HDAC5: variants seen among roughly 807,000 people sequenced by gnomAD.
HDAC5 encodes histone deacetylase 5.
Under a neutral mutation model 133.3 loss-of-function variants are expected in HDAC5, and 25 were observed. The observed-to-expected ratio is 0.19, with a 90% CI of 0.14 to 0.26. The LOEUF (loss-of-function observed/expected upper bound fraction) is 0.26, where lower values mean the gene tolerates loss of function less well. Ranked by LOEUF, HDAC5 falls within the 10% of genes least tolerant of loss-of-function variation. HDAC5 has a pLI of 1.00. For missense variants in HDAC5, 1,041 were observed against 1,460.5 expected, an observed-to-expected ratio of 0.71 and a Z score of 4.68; for synonymous variants, 589 against 610.8, an observed-to-expected ratio of 0.96 and a Z score of 0.53.
intron 12 of HDAC5, among the ~76,000 whole-genome samples, chr17:44,088,100 C>T (rs1437796363): frequency 6.6e-6 from 1 of 152,192 alleles, no homozygotes; most frequent in Non-Finnish European, 1.5e-5. Context: ...CCTCCATCTC[C>T]CAGGTTCAAG....
Position 44,093,219 on chromosome 17 carries a change from G to A in HDAC5, c.527-13C>T, listed in dbSNP as rs1044552898. On this transcript the variant is annotated splice_polypyrimidine_tract_variant and intron_variant, in intron 5 of 26. Coordinates refer to ENST00000682912, the MANE Select transcript of HDAC5 (RefSeq NM_005474.5). ...CTGGCAATGGCACCTGCAGGACAGG[G>A]CACAACTGACCTGGCTGCTTGGGGC... 1 of 1,601,896 alleles carries A rather than the reference G, an allele frequency of 6.2e-7. No homozygotes were observed. Among genetic ancestry groups the A allele is most frequent in the Non-Finnish European group, 8.5e-7 (1 of 1,171,856 alleles).
chr17:44,121,759 G>A (rs1042395169), intron 1 of HDAC5, among the ~76,000 whole-genome samples: 4 of 152,000 alleles, frequency 2.6e-5, no homozygotes, highest in African/African-American at 9.7e-5. Flanking sequence ...TGAAACTGCT[G>A]CCCCCCTCCA....
chr17:44,105,964 T>TG (rs554059616), intron 3 of HDAC5, among the ~76,000 whole-genome samples: 34 of 152,194 alleles, frequency 2.2e-4, no homozygotes, highest in Admixed American at 7.2e-4. Flanking sequence ...AAACCTTTGT[T>TG]GGGGGGGCAG....
At chr17:44,079,374 GCTCA>G (rs1385186248) in intron 23 of HDAC5, 97 bp from the exon 24 acceptor site, 53 of 1,250,634 alleles carry the variant, frequency 4.2e-5, no homozygotes, top group Non-Finnish European at 4.4e-5. Context: ...AGGCGCGGTG[GCTCA>G]CGCCTGTAAT....
At chr17:44,087,793 C>T (rs2143177568) in intron 12 of HDAC5, 97 bp from the exon 13 acceptor site, 5 of 1,382,526 alleles carry the variant, frequency 3.6e-6, no homozygotes, top group Middle Eastern at 4.4e-4. Flanking sequence ...CTCCCTTCTT[C>T]CAGGTAGAGC....
In HDAC5 at chr17:44,085,057, G is replaced by T. The variant is rs763691184; in HGVS notation, c.2149C>A (p.Arg717=). The T allele has an allele frequency of 6.3e-7, 1 of 1,596,402 alleles. No homozygotes were observed. The change falls in exon 15 of 27, where the codon CGG becomes AGG. Residue 717 remains arginine, a synonymous_variant. Transcript: ENST00000682912. Reference sequence around the variant, plus strand: ...CTAAGCAGGCCTGTCTCCTGCAGCCGGGACCAGATGCTCTGGATCCGGCCA... The same window carrying T: ...CTAAGCAGGCCTGTCTCCTGCAGCCTGGACCAGATGCTCTGGATCCGGCCA... ...HAGRIQSIWS[R]LQETGLLSKC...
At chr17:44,092,059 A>C in intron 9 of HDAC5, 113 bp downstream of exon 9, 2 of 1,005,558 alleles carry the variant, frequency 2.0e-6, no homozygotes, top group Non-Finnish European at 2.9e-6. Flanking sequence ...TCATGTGGGC[A>C]GAGAGGTCTC....
At chr17:44,093,894 T>G (rs2051099781) in intron 3 of HDAC5, 60 bp from the exon 4 acceptor site, 1 of 1,437,954 alleles carries the variant, frequency 7.0e-7, no homozygotes, top group African/African-American at 1.4e-5. Context: ...CAGTCATGCC[T>G]GAGGCCCAAA....
At chr17:44,115,735 C>T (rs756960556) in intron 2 of HDAC5, among the ~76,000 whole-genome samples, 2 of 152,230 alleles carry the variant, frequency 1.3e-5, no homozygotes, top group Non-Finnish European at 2.9e-5. Context: ...GGTTCCCAAT[C>T]CCTGGCCCCC....
chr17:44,080,521 G>T (rs762505653), intron 21 of HDAC5, 23 bp from the exon 22 acceptor site: 1 of 1,607,842 alleles, frequency 6.2e-7, no homozygotes, highest in South Asian at 1.1e-5. Context: ...TTGGGGAGAG[G>T]GCTATTCTCA....
At chr17:44,078,466 T>G in intron 26 of HDAC5, 34 bp downstream of exon 26, 21 of 1,579,680 alleles carry the variant, frequency 1.3e-5, no homozygotes, top group Non-Finnish European at 1.8e-5. Flanking sequence ...CCAGCAGGGG[T>G]GAGGGCAGAG....
chr17:44,118,508 A>G (rs2052788251), intron 1 of HDAC5, among the ~76,000 whole-genome samples: 1 of 152,202 alleles, frequency 6.6e-6, no homozygotes, highest in African/African-American at 2.4e-5. Context: ...CGAAAGCAAC[A>G]AAAGGCCCAG....
chr17:44,082,635 T>C lies in HDAC5; in HGVS notation c.2557A>G (p.Lys853Glu). Residue 853 changes from lysine (K) to glutamate (E), a missense_variant, in exon 20 of 27, where the codon AAA becomes GAA. Lys to Glu is a moderately conservative substitution (Grantham distance 56). Transcript: ENST00000682912. Reference sequence around the variant, plus strand: ...ACGTTCAACTTCTGCTGTAGGAGTTTTGCGGTGATGGCTACAGAGTTGAAG... The same window carrying C: ...ACGTTCAACTTCTGCTGTAGGAGTTCTGCGGTGATGGCTACAGAGTTGAAG... ...CFFNSVAITA[K>E]LLQQKLNVGK... The C allele has an allele frequency of 6.2e-7, 1 of 1,614,096 alleles. No individual in the cohort carries two copies. Among genetic ancestry groups the C allele is most frequent in the Non-Finnish European group, 8.5e-7 (1 of 1,180,014 alleles).
At chr17:44,108,682 G>A (rs992822814) in intron 3 of HDAC5, among the ~76,000 whole-genome samples, 2 of 150,800 alleles carry the variant, frequency 1.3e-5, no homozygotes, top group South Asian at 2.1e-4. Context: ...GTGTTTATCC[G>A]GGGTGGATTT....
At chr17:44,094,291 T>G (rs2051119284) in intron 3 of HDAC5, among the ~76,000 whole-genome samples, 1 of 150,034 alleles carries the variant, frequency 6.7e-6, no homozygotes, top group Admixed American at 6.6e-5. Flanking sequence ...GCAACTGCAC[T>G]CTAGCCTGGG....
At chr17:44,083,904 A>C in intron 16 of HDAC5, 50 bp from the exon 17 acceptor site, 2 of 1,493,638 alleles carry the variant, frequency 1.3e-6, no homozygotes, top group Non-Finnish European at 1.9e-6. Context: ...CGGGCGGATC[A>C]CCTGAGGTCA....
chr17:44,096,302 T>A (rs1050800574), intron 3 of HDAC5, among the ~76,000 whole-genome samples: 2 of 151,802 alleles, frequency 1.3e-5, no homozygotes, highest in African/African-American at 4.8e-5. Flanking sequence ...CTGGGAAGAC[T>A]CCTGTGGCAA....
intron 1 of HDAC5, among the ~76,000 whole-genome samples, chr17:44,118,724 C>T (rs2052802797): frequency 6.6e-6 from 1 of 152,118 alleles, no homozygotes; most frequent in African/African-American, 2.4e-5. Flanking sequence ...TGAAGGCAGG[C>T]CCTCCAATAC....
chr17:44,091,722 G>C lies in HDAC5; in HGVS notation c.1142C>G (p.Thr381Ser), dbSNP rs1187014282. The change falls in exon 10 of 27, where the codon ACT becomes AGT. Residue 381 changes from threonine to serine, a missense_variant. Thr to Ser is a moderately conservative substitution (Grantham distance 58). Transcript: ENST00000682912. ...TACAGTGAGGTGTGAGTTGGTGACAGTGACCGTGGCCTGCAGCCCTAGGGA... is the reference window on the plus strand; with the variant it reads ...TACAGTGAGGTGTGAGTTGGTGACACTGACCGTGGCCTGCAGCCCTAGGGA... Reference protein sequence around the residue: ...NISLGLQATVTVTNSHLTASP... With the variant: ...NISLGLQATVSVTNSHLTASP... 1 of 1,580,906 alleles carries C rather than the reference G, an allele frequency of 6.3e-7. No individual in the cohort carries two copies. Among genetic ancestry groups the C allele is most frequent in the Admixed American group, 1.8e-5 (1 of 54,560 alleles).
Sources: gnomAD v4.1 joint callset for allele counts (sites outside exome capture counted in the v4.1 genomes callset) on GRCh38, gnomAD v4.1.1 for gene constraint, MANE v1.5 for transcripts, NCBI Gene and HGNC (gene_info 2026-07-23, HGNC 2026-07-21) for gene names.